FBXO34: variants seen among roughly 807,000 people sequenced by gnomAD.
The protein encoded by FBXO34 is F-box only protein 34.
In FBXO34, 12 loss-of-function variants were observed where a neutral mutation model predicts 24.5. The ratio of observed to expected loss-of-function variants is 0.49; its 90% CI spans 0.31 to 0.79. The LOEUF (loss-of-function observed/expected upper bound fraction) is 0.79. Among genes scored for constraint, FBXO34 ranks in the 30% least tolerant of loss-of-function variants. FBXO34 has a pLI of 0.04. For missense variants in FBXO34, 823 were observed against 857.7 expected, an observed-to-expected ratio of 0.96 and a Z score of 0.51; for synonymous variants, 320 against 311.9, an observed-to-expected ratio of 1.03 and a Z score of -0.27.
intron 1 of FBXO34, among the ~76,000 whole-genome samples, chr14:55,341,261 A>G (rs1220553321): frequency 6.6e-6 from 1 of 152,246 alleles, no homozygotes; most frequent in Non-Finnish European, 1.5e-5. Context: ...CAGGGTGATC[A>G]GACATCACCT....
intron 1 of FBXO34, among the ~76,000 whole-genome samples, chr14:55,312,400 G>T (rs1414888324): frequency 6.6e-6 from 1 of 152,100 alleles, no homozygotes; most frequent in Non-Finnish European, 1.5e-5. Context: ...CACGGTACAA[G>T]CTGTCAGTGG....
At chr14:55,393,398 A>G in the FBXO34 span, among the ~76,000 whole-genome samples, 1 of 152,000 alleles carries the variant, frequency 6.6e-6, no homozygotes. Context: ...AAAAAGAGGA[A>G]AAAAAAAGAA....
the FBXO34 span, among the ~76,000 whole-genome samples, chr14:55,385,535 CG>C: frequency 2.0e-5 from 3 of 152,176 alleles, no homozygotes; most frequent in Non-Finnish European, 4.4e-5. Flanking sequence ...TCAGGTGATT[CG>C]CCTGCCTCGG....
intron 1 of FBXO34, among the ~76,000 whole-genome samples, chr14:55,295,112 C>G (rs1350671746): frequency 6.6e-6 from 1 of 152,142 alleles, no homozygotes; most frequent in Non-Finnish European, 1.5e-5. Flanking sequence ...GAATGTGTAT[C>G]ACTTTTGCGC....
the FBXO34 span, among the ~76,000 whole-genome samples, chr14:55,415,820 CG>C: frequency 1.3e-5 from 2 of 152,032 alleles, no homozygotes; most frequent in Non-Finnish European, 2.9e-5. Context: ...GAGCAGAGTT[CG>C]CACCATTACA....
chr14:55,424,380 A>G, the FBXO34 span: 1 of 570,724 alleles, frequency 1.8e-6, no homozygotes, highest in East Asian at 2.8e-5. Context: ...TTTATCAAAA[A>G]CTTTTTAACT....
the FBXO34 span, among the ~76,000 whole-genome samples, chr14:55,388,977 T>C: frequency 3.3e-5 from 5 of 152,158 alleles, no homozygotes; most frequent in East Asian, 9.7e-4. Flanking sequence ...CGATTTGACA[T>C]TGCCATCACG....
the FBXO34 span, among the ~76,000 whole-genome samples, chr14:55,436,302 T>C: frequency 3.3e-5 from 5 of 152,362 alleles, no homozygotes; most frequent in East Asian, 9.6e-4. Flanking sequence ...AGTGCTGTAG[T>C]ATAAACAATA....
chr14:55,318,649 G>A (rs1208782338), intron 1 of FBXO34, among the ~76,000 whole-genome samples: 1 of 151,372 alleles, frequency 6.6e-6, no homozygotes, highest in African/African-American at 2.4e-5. Context: ...ATAAGGCTGA[G>A]CTACTGTACT....
At chr14:55,391,176 G>C in the FBXO34 span, 4 of 493,088 alleles carry the variant, frequency 8.1e-6, no homozygotes, top group East Asian at 1.6e-4. Context: ...CTAGTTCAAT[G>C]CAGAGAAAAG....
chr14:55,395,639 A>C, the FBXO34 span, among the ~76,000 whole-genome samples: 2 of 152,246 alleles, frequency 1.3e-5, no homozygotes, highest in African/African-American at 4.8e-5. Context: ...TTAATCATTA[A>C]TCCATTTGGA....
In FBXO34 at chr14:55,350,546, T is replaced by C. The variant is rs368493799; in HGVS notation, c.156T>C (p.Ser52=). Residue 52 remains serine, a synonymous_variant, in exon 2 of 2, where the codon TCT becomes TCC. Coordinates refer to ENST00000313833, the MANE Select transcript of FBXO34 (RefSeq NM_017943.4). ...CATCAAGTGTCTTTCCTTCAGCCTC[T>C]CTCGGTAAAGCATCATCTCGAAAGC... ...HITSSVFPSA[S]LGKASSRKPF... 39 of 1,613,400 alleles carry C rather than the reference T, an allele frequency of 2.4e-5. No individual in the cohort carries two copies. The African/African-American group carries it at 4.8e-4, about 20-fold the overall frequency.
chr14:55,296,647 T>C (rs1448957941), intron 1 of FBXO34, among the ~76,000 whole-genome samples: 2 of 151,998 alleles, frequency 1.3e-5, no homozygotes, highest in African/African-American at 4.8e-5. Context: ...CCACCTGCCT[T>C]GGTCTCCCAA....
At chr14:55,293,719 T>G (rs1882024555) in intron 1 of FBXO34, among the ~76,000 whole-genome samples, 1 of 152,108 alleles carries the variant, frequency 6.6e-6, no homozygotes, top group South Asian at 2.1e-4. Context: ...TGTGACAGAA[T>G]AGAAAGTATT....
the FBXO34 span, among the ~76,000 whole-genome samples, chr14:55,375,099 GT>G: frequency 6.6e-6 from 1 of 152,180 alleles, no homozygotes; most frequent in Non-Finnish European, 1.5e-5. Flanking sequence ...TTCCCTGCCT[GT>G]GGCTTTCTTT....
At chr14:55,386,028 C>G in the FBXO34 span, 2 of 1,614,132 alleles carry the variant, frequency 1.2e-6, no homozygotes, top group South Asian at 2.2e-5. Context: ...TCCTTTTTCT[C>G]TTGGTGCCGT....
chr14:55,404,852 A>T, the FBXO34 span, among the ~76,000 whole-genome samples: 1 of 152,250 alleles, frequency 6.6e-6, no homozygotes, highest in African/African-American at 2.4e-5. Context: ...AGTATAACCC[A>T]GGAGTAAGTC....
chr14:55,352,859 C>T lies in FBXO34; in HGVS notation c.*333C>T. The T allele has an allele frequency of 4.4e-6, 1 of 227,832 alleles. No homozygotes were observed. 14.1% of individuals were successfully genotyped at this position (227,832 alleles called of 1,614,324 possible). ...CCAGGACATTCAGAAGAGTTCACTG[C>T]AGATGCTGCAGGTAGTCCTCAAAAA... On this transcript the variant is annotated 3_prime_UTR_variant, in exon 2 of 2. Coordinates refer to ENST00000313833, the MANE Select transcript of FBXO34 (RefSeq NM_017943.4).
At position 55,351,572 on chromosome 14, in the gene FBXO34, A is replaced by T; in HGVS notation, c.1182A>T (p.Gln394His). The T allele has an allele frequency of 6.2e-7, 1 of 1,614,176 alleles. No homozygotes were observed. The highest frequency in any genetic ancestry group is 8.5e-7 in the Non-Finnish European group (1 of 1,180,020). ...IDSAELEPGS[Q>H]TAVKNSNRYD... is the part of the protein sequence containing the mutation. Reference sequence around the variant, plus strand: ...GTGCAGAGTTAGAGCCGGGTTCGCAAACTGCCGTGAAAAACAGCAACAGAT... The same window carrying T: ...GTGCAGAGTTAGAGCCGGGTTCGCATACTGCCGTGAAAAACAGCAACAGAT... Residue 394 changes from glutamine (Q) to histidine (H), a missense_variant, in exon 2 of 2, where the codon CAA (glutamine) becomes CAT (histidine). Physicochemically the swap from Gln to His is conservative, Grantham distance 24. Around this residue, in one of 2 missense-constraint regions of FBXO34, gnomAD observed 693 missense variants for 659.1 expected, o/e 1.05. Transcript: ENST00000313833.
Sources: allele counts gnomAD v4.1 joint callset (sites outside exome capture counted in the v4.1 genomes callset), GRCh38; gene constraint gnomAD v4.1.1; regional missense constraint gnomAD v4.1.1; transcripts MANE v1.5; gene names NCBI Gene and HGNC (gene_info 2026-07-23, HGNC 2026-07-21).